ANO4: variants seen among roughly 807,000 people sequenced by gnomAD.
ANO4 encodes the protein anoctamin-4.
ANO4 carries 69 observed loss-of-function variants against 141.9 expected under a neutral mutation model. The ratio of observed to expected loss-of-function variants is 0.49; its 90% CI spans 0.40 to 0.59. The LOEUF is 0.59. Ranked by LOEUF, ANO4 falls within the 20% of genes least tolerant of loss-of-function variation. The probability of loss-of-function intolerance (pLI) is 0.00; values close to 1 mark genes in which losing one functional copy is unlikely to be tolerated. For synonymous variants in ANO4, 350 were observed against 394.3 expected (o/e 0.89, Z 1.33); for missense variants, 894 against 1,162.2 (o/e 0.77, Z 3.36).
In ANO4 at chr12:101,039,405, T is replaced by C. The variant is rs550436207; in HGVS notation, c.898-550T>C. On this transcript the variant is annotated intron_variant, in intron 10 of 27. Transcript: ENST00000392977. Reference sequence around the variant, plus strand: ...CTATGGTCCCAGCTACTTGGGAGGCTGAGGTGGGAGGATTGCTTGAGCCTG... The same window carrying C: ...CTATGGTCCCAGCTACTTGGGAGGCCGAGGTGGGAGGATTGCTTGAGCCTG... 2.6e-5 allele frequency among the ~76,000 whole-genome samples: 4 copies of C among 152,270 alleles called. No homozygotes were observed. The South Asian group carries it at 8.3e-4, about 32-fold the overall frequency.
chr12:100,765,737 TTTAA>T (rs1228251102), intron 3 of ANO4, among the ~76,000 whole-genome samples: 1 of 151,248 alleles, frequency 6.6e-6, no homozygotes, highest in Admixed American at 6.6e-5. Context: ...TATTTTTAAA[TTTAA>T]TTAATTAGAT....
At chr12:100,974,992 A>G (rs2044100137) in intron 7 of ANO4, 103 bp downstream of exon 7, 3 of 1,368,866 alleles carry the variant, frequency 2.2e-6, no homozygotes, top group Non-Finnish European at 3.1e-6. Context: ...CCTGTGTCAC[A>G]TGGGAAAGTT....
At chr12:101,089,637 A>C (rs1187204847) in intron 17 of ANO4, among the ~76,000 whole-genome samples, 1 of 152,230 alleles carries the variant, frequency 6.6e-6, no homozygotes, top group Non-Finnish European at 1.5e-5. Flanking sequence ...CCAATGTCTT[A>C]AAATTTAATT....
intron 1 of ANO4, 60 bp from the exon 2 acceptor site, chr12:100,901,586 C>T: frequency 3.1e-6 from 2 of 636,254 alleles, no homozygotes; most frequent in Middle Eastern, 2.7e-4. Context: ...GAGAGCGTAA[C>T]AGCCTTTTAG....
chr12:100,979,377 G>A (rs2044348661), intron 7 of ANO4, among the ~76,000 whole-genome samples: 1 of 152,084 alleles, frequency 6.6e-6, no homozygotes, highest in Non-Finnish European at 1.5e-5. Flanking sequence ...GTCTGAGGTG[G>A]GGCTCGATAA....
At chr12:100,902,605 C>T (rs1342023120) in intron 2 of ANO4, among the ~76,000 whole-genome samples, 1 of 152,188 alleles carries the variant, frequency 6.6e-6, no homozygotes, top group Non-Finnish European at 1.5e-5. Context: ...TCTGTAATGT[C>T]CTAGTGGATG....
rs757024624 is a variant in ANO4 at position 101,039,983 on chromosome 12, G to A, written c.926G>A (p.Arg309Gln). Residue 309 changes from arginine (R) to glutamine (Q), a missense_variant, in exon 11 of 28, where the codon CGA becomes CAA. Arg to Gln is a conservative substitution (Grantham distance 43). This residue lies in a region of ANO4 where 637 missense variants were observed against 909.2 expected (regional missense o/e 0.70). Transcript: ENST00000392977. ...AGTTATAGAAGTAAAAACTCCATTC[G>A]AACCCATGGAGCAGAAAACCACCGA... The part of the protein sequence containing the change: ...EGSYRSKNSI[R>Q]THGAENHRHL... The A allele has an allele frequency of 8.2e-6, 13 of 1,587,022 alleles. No homozygotes were observed. The highest frequency in any genetic ancestry group is 2.3e-5 in the East Asian group (1 of 43,810).
chr12:101,059,828 C>A (rs984477799), intron 14 of ANO4, among the ~76,000 whole-genome samples: 1 of 152,082 alleles, frequency 6.6e-6, no homozygotes, highest in Non-Finnish European at 1.5e-5. Context: ...TTTTAAAAAA[C>A]AATTCTTGGA....
intron 1 of ANO4, among the ~76,000 whole-genome samples, chr12:100,810,886 A>G (rs1049184663): frequency 2.0e-5 from 3 of 152,118 alleles, no homozygotes; most frequent in Admixed American, 6.6e-5. Flanking sequence ...TATTATTTGT[A>G]TACTTATGAG....
intron 1 of ANO4, among the ~76,000 whole-genome samples, chr12:100,810,556 G>A (rs114423003): frequency 0.022 from 3,313 of 152,202 alleles, 91 homozygotes; most frequent in African/African-American, 0.063. Flanking sequence ...TTACAAGGCT[G>A]GTGCAGAGGT....
chr12:101,014,996 AT>A (rs10685175), intron 8 of ANO4, among the ~76,000 whole-genome samples: 14 of 143,548 alleles, frequency 9.8e-5, no homozygotes, highest in East Asian at 2.0e-4. Flanking sequence ...CACCCAGCTA[AT>A]TTTTTTTTTT....
intron 22 of ANO4, among the ~76,000 whole-genome samples, chr12:101,102,778 T>C (rs1357399657): frequency 6.6e-6 from 1 of 152,146 alleles, no homozygotes; most frequent in African/African-American, 2.4e-5. Flanking sequence ...GAAATATTAG[T>C]TGGGATTAAA....
intron 26 of ANO4, among the ~76,000 whole-genome samples, chr12:101,125,441 T>A (rs7955908): frequency 6.6e-6 from 1 of 152,222 alleles, no homozygotes; most frequent in Admixed American, 6.5e-5. Flanking sequence ...CCTCTCTTCC[T>A]ATTTGAATAC....
intron 22 of ANO4, among the ~76,000 whole-genome samples, chr12:101,106,416 T>C (rs1370582307): frequency 6.6e-6 from 1 of 151,898 alleles, no homozygotes; most frequent in African/African-American, 2.4e-5. Context: ...TAGGTCTATA[T>C]AGATCAAGAT....
At chr12:100,846,778 C>T (rs1418008995) in intron 1 of ANO4, among the ~76,000 whole-genome samples, 3 of 152,130 alleles carry the variant, frequency 2.0e-5, no homozygotes, top group African/African-American at 4.8e-5. Context: ...TTTCCTTTTC[C>T]TTCTTTGCCA....
intron 8 of ANO4, among the ~76,000 whole-genome samples, chr12:100,998,522 A>C (rs2045495953): frequency 6.6e-6 from 1 of 152,158 alleles, no homozygotes; most frequent in Admixed American, 6.5e-5. Context: ...TAAATTTGAA[A>C]ACTGATCAAA....
chr12:100,984,685 G>A (rs1464563806), intron 7 of ANO4, among the ~76,000 whole-genome samples: 2 of 152,170 alleles, frequency 1.3e-5, no homozygotes, highest in Non-Finnish European at 2.9e-5. Context: ...ATACAGCTGA[G>A]GCGCAAGAGA....
intron 4 of ANO4, among the ~76,000 whole-genome samples, chr12:100,941,778 ACT>A (rs2042523026): frequency 6.6e-6 from 1 of 151,698 alleles, no homozygotes; most frequent in Non-Finnish European, 1.5e-5. Context: ...ATCAATTTTC[ACT>A]CTCATCTCAC....
chr12:101,032,969 T>C (rs1377885385), intron 9 of ANO4, among the ~76,000 whole-genome samples: 1 of 152,022 alleles, frequency 6.6e-6, no homozygotes, highest in South Asian at 2.1e-4. Context: ...CATTACTGGG[T>C]ATATACCCAA....
Sources: allele counts gnomAD v4.1 joint callset (sites outside exome capture counted in the v4.1 genomes callset), GRCh38; gene constraint gnomAD v4.1.1; regional missense constraint gnomAD v4.1.1; transcripts MANE v1.5; gene names NCBI Gene and HGNC (gene_info 2026-07-23, HGNC 2026-07-21).